The following ISL2 variants were observed in gnomAD, a reference collection of about 807,000 sequenced individuals.
The protein encoded by ISL2 is ISL LIM homeobox 2.
A neutral mutation model predicts 34.6 loss-of-function variants in ISL2; 17 were observed. The observed-to-expected ratio is 0.49, with a 90% confidence interval of 0.34 to 0.74. The LOEUF is 0.74. Among genes scored for constraint, ISL2 ranks in the 30% least tolerant of loss-of-function variants. The pLI is 0.01. For synonymous variants in ISL2, 232 were observed against 225.5 expected (o/e 1.03, Z -0.26); for missense variants, 469 against 515.2 (o/e 0.91, Z 0.87).
At chr15:76,341,422 G>A (rs1406949844) in intron 5 of ISL2, 121 bp downstream of exon 5, 13 of 917,988 alleles carry the variant, frequency 1.4e-5, no homozygotes, top group Non-Finnish European at 2.1e-5. Context: ...AGCCCTAGGC[G>A]GTGGGGGAGG....
chr15:76,337,883 G>A lies in ISL2; in HGVS notation c.164G>A (p.Cys55Tyr). Residue 55 changes from cysteine to tyrosine, a missense_variant, in exon 2 of 6, where the codon TGT (cysteine) becomes TAT (tyrosine). Cys to Tyr is a radical substitution (Grantham distance 194). Coordinates refer to ENST00000290759, the MANE Select transcript of ISL2 (RefSeq NM_145805.3). ...DLEWHAACLK[C>Y]AECSQYLDET... ...GAGTGGCACGCGGCCTGCCTCAAGTGTGCCGAGTGCAGCCAGTACCTGGAC... is the reference window on the plus strand; with the variant it reads ...GAGTGGCACGCGGCCTGCCTCAAGTATGCCGAGTGCAGCCAGTACCTGGAC... 6.2e-7 allele frequency: 1 copy of A among 1,612,786 alleles called. No individual in the cohort carries two copies. Among genetic ancestry groups the A allele is most frequent in the Non-Finnish European group, 8.5e-7 (1 of 1,179,748 alleles).
chr15:76,337,963 G>A lies in ISL2; in HGVS notation c.244G>A (p.Val82Ile), dbSNP rs753182811. ...GAAGACCTACTGCAAGCGGGACTATGTCAGGTGAGGCCGGCGGGAACGCGG... is the reference window on the plus strand; with the variant it reads ...GAAGACCTACTGCAAGCGGGACTATATCAGGTGAGGCCGGCGGGAACGCGG... ...DGKTYCKRDY[V>I]RLFGIKCAKC... Residue 82 changes from valine to isoleucine, a missense_variant, in exon 2 of 6, where the codon GTC (valine) becomes ATC (isoleucine). By Grantham distance (29) the Val-to-Ile change is conservative. Around this residue, in one of 3 missense-constraint regions of ISL2, gnomAD observed 297 missense variants for 337.8 expected, o/e 0.88. Coordinates refer to ENST00000290759, the MANE Select transcript of ISL2 (RefSeq NM_145805.3). The A allele has an allele frequency of 5.1e-6, 8 of 1,576,188 alleles. No homozygotes were observed. The South Asian group carries it at 8.0e-5, about 16-fold the overall frequency.
At position 76,340,394 on chromosome 15, in the gene ISL2, C is replaced by T; in HGVS notation, c.630C>T (p.Tyr210=). The change falls in exon 4 of 6, where the codon TAC becomes TAT. Residue 210 remains tyrosine, a synonymous_variant. Coordinates refer to ENST00000290759, the MANE Select transcript of ISL2 (RefSeq NM_145805.3). ...EKQLHTLRTC[Y]AANPRPDALM... ...AGCTGCACACTCTGCGGACCTGCTA[C>T]GCCGCCAACCCGCGGCCCGACGCTC... is the stretch of plus-strand genomic sequence containing the variant. 1 of 1,613,660 alleles carries T rather than the reference C, an allele frequency of 6.2e-7. No homozygotes were observed. Among genetic ancestry groups the T allele is most frequent in the South Asian group, 1.1e-5 (1 of 91,074 alleles).
rs151069345 is a variant in ISL2, at chr15:76,337,914, G to C, written c.195G>C (p.Thr65=). 1 of 1,611,920 alleles carries C rather than the reference G, an allele frequency of 6.2e-7. No individual in the cohort carries two copies. The highest frequency in any genetic ancestry group is 8.5e-7 in the Non-Finnish European group (1 of 1,179,234). ...CAECSQYLDE[T]CTCFVRDGKT... ...AGTGCAGCCAGTACCTGGACGAGAC[G>C]TGCACGTGCTTCGTGAGAGACGGGA... The change falls in exon 2 of 6, where the codon ACG becomes ACC. Residue 65 remains threonine (T), a synonymous_variant. Coordinates refer to ENST00000290759, the MANE Select transcript of ISL2 (RefSeq NM_145805.3).
At chr15:76,341,532 A>AC (rs1401126392) in intron 5 of ISL2, among the ~76,000 whole-genome samples, 187 bp from the exon 6 acceptor site, 2 of 152,292 alleles carry the variant, frequency 1.3e-5, no homozygotes, top group East Asian at 1.9e-4. Flanking sequence ...CGCAGGATTA[A>AC]CCAACCCGCT....
intron 4 of ISL2, among the ~76,000 whole-genome samples, 176 bp from the exon 5 acceptor site, chr15:76,340,957 TG>T (rs2141583959): frequency 6.6e-6 from 1 of 152,360 alleles, no homozygotes; most frequent in South Asian, 2.1e-4. Context: ...GTGGCAAGTT[TG>T]CGGCCCCCGC....
intron 4 of ISL2, 56 bp from the exon 5 acceptor site, chr15:76,341,078 T>C (rs2040189220): frequency 2.0e-6 from 3 of 1,467,830 alleles, no homozygotes; most frequent in Middle Eastern, 1.8e-4. Flanking sequence ...GTCTCAAAGG[T>C]GGCAGAAAAG....
chr15:76,340,005 A>T, intron 3 of ISL2: 1 of 1,288,720 alleles, frequency 7.8e-7, no homozygotes. Flanking sequence ...CCCTCCCCGC[A>T]GCGGCCTGTC....
At chr15:76,341,589 T>C (rs2040195137) in intron 5 of ISL2, 130 bp from the exon 6 acceptor site, 14 of 766,586 alleles carry the variant, frequency 1.8e-5, no homozygotes, top group Non-Finnish European at 2.9e-5. Context: ...CTGGCCTCCT[T>C]CTCCGCAGGG....
In ISL2 at chr15:76,336,838, T is replaced by C; in HGVS notation, c.-46T>C. ...GCCGAGGCCGGGCGCGCGACCCTCG[T>C]CCTTCTGCCCCTGGCCGCACACTTT... On this transcript the variant is annotated 5_prime_UTR_variant, in exon 1 of 6. Transcript: ENST00000290759. 1 of 1,565,938 alleles carries C rather than the reference T, an allele frequency of 6.4e-7. No homozygotes were observed. The highest frequency in any genetic ancestry group is 8.8e-7 in the Non-Finnish European group (1 of 1,136,300).
rs544071249 is a variant in ISL2 at position 76,341,792 on chromosome 15, C to T, written c.1037C>T (p.Pro346Leu). 4.3e-6 allele frequency: 7 copies of T among 1,613,880 alleles called. No homozygotes were observed. Among genetic ancestry groups the T allele is most frequent in the Non-Finnish European group, 5.9e-6 (7 of 1,180,012 alleles). Residue 346 changes from proline to leucine, a missense_variant, in exon 6 of 6, where the codon CCG becomes CTG. Around this residue, in one of 3 missense-constraint regions of ISL2, gnomAD observed 169 missense variants for 154.2 expected, o/e 1.10. Transcript: ENST00000290759. ...SDVTSLSSQL[P>L]DTPNSMVPSP... is the part of the protein sequence containing the mutation. The stretch of plus-strand genomic sequence containing the variant: ...GTGACCTCCCTGTCCTCGCAGCTCC[C>T]GGACACCCCCAACAGTATGGTGCCG...
At chr15:76,340,809 A>G (rs991788383) in intron 4 of ISL2, among the ~76,000 whole-genome samples, 3 of 152,224 alleles carry the variant, frequency 2.0e-5, no homozygotes, top group African/African-American at 7.2e-5. Flanking sequence ...GCGGAGCCCA[A>G]GGCTGCATGG....
chr15:76,337,990 C>G, intron 2 of ISL2, 23 bp downstream of exon 2: 1 of 1,537,064 alleles, frequency 6.5e-7, no homozygotes, highest in Non-Finnish European at 8.8e-7. Flanking sequence ...GGAACGCGGG[C>G]TGGGCCACCG....
intron 1 of ISL2, 174 bp from the exon 2 acceptor site, chr15:76,337,604 G>GT (rs1158359699): frequency 1.9e-6 from 1 of 528,586 alleles, no homozygotes; most frequent in African/African-American, 2.0e-5. Flanking sequence ...CAAGATACTG[G>GT]TTTTTCGTTT....
In ISL2 at chr15:76,341,943, C is replaced by G. The variant is rs188500756; in HGVS notation, c.*108C>G. The G allele has an allele frequency of 1.3e-6, 1 of 775,470 alleles. No individual in the cohort carries two copies. The highest frequency in any genetic ancestry group is 2.5e-5 in the East Asian group (1 of 40,252). 48.0% of individuals were successfully genotyped at this position (775,470 alleles called of 1,614,324 possible). ...AAGCTCTCTCGCCTTCGTAATTATT[C>G]TATTGTTATTTATGAGAGAGTACCG... On this transcript the variant is annotated 3_prime_UTR_variant, in exon 6 of 6. Transcript: ENST00000290759.
chr15:76,337,962 T>A lies in ISL2; in HGVS notation c.243T>A (p.Tyr81Ter). Residue 81 changes from tyrosine to a stop codon, truncating the protein, a stop_gained, in exon 2 of 6, where the codon TAT becomes TAA. Transcript: ENST00000290759. LOFTEE classifies it high-confidence loss of function. ...GGAAGACCTACTGCAAGCGGGACTA[T>A]GTCAGGTGAGGCCGGCGGGAACGCG... ...RDGKTYCKRD[Y>*]VRLFGIKCAK... 1 of 1,596,336 alleles carries A rather than the reference T, an allele frequency of 6.3e-7. No homozygotes were observed. Among genetic ancestry groups the A allele is most frequent in the Non-Finnish European group, 8.5e-7 (1 of 1,171,676 alleles).
At chr15:76,338,205 G>T in intron 2 of ISL2, 47 bp from the exon 3 acceptor site, 1 of 1,512,250 alleles carries the variant, frequency 6.6e-7, no homozygotes, top group African/African-American at 1.4e-5. Context: ...GGGAGATGAG[G>T]GCGGCCGCAG....
intron 2 of ISL2, 125 bp downstream of exon 2, chr15:76,338,092 T>G (rs1241746473): frequency 7.6e-7 from 1 of 1,319,318 alleles, no homozygotes; most frequent in Non-Finnish European, 9.9e-7. Context: ...CCCGCACGGG[T>G]GCCGCAGCGC....
chr15:76,337,377 A>G, intron 1 of ISL2: 1 of 311,560 alleles, frequency 3.2e-6, no homozygotes. Context: ...GTGTTGGGAT[A>G]GGAGGCAGCC....
Sources: gnomAD v4.1 joint callset for allele counts (sites outside exome capture counted in the v4.1 genomes callset) on GRCh38, gnomAD v4.1.1 for gene constraint, gnomAD v4.1.1 regional missense constraint, MANE v1.5 for transcripts, NCBI Gene and HGNC (gene_info 2026-07-23, HGNC 2026-07-21) for gene names.